The following LAMA3 variants were observed in gnomAD, a reference collection of about 807,000 sequenced individuals.
The protein encoded by LAMA3 is laminin subunit alpha 3.
LAMA3 carries 281 observed loss-of-function variants against 402.0 expected under a neutral mutation model. That is an observed-to-expected ratio of 0.70 (90% CI 0.63 to 0.77). The LOEUF (loss-of-function observed/expected upper bound fraction) is 0.77, where lower values mean the gene tolerates loss of function less well. Ranked by LOEUF, LAMA3 falls within the 30% of genes least tolerant of loss-of-function variation. The pLI is 0.00. For synonymous variants in LAMA3, 1,431 were observed against 1,558.4 expected (o/e 0.92, Z 1.93); for missense variants, 3,840 against 4,215.5 (o/e 0.91, Z 2.47).
At chr18:23,775,242 G>A (rs961049868) in intron 9 of LAMA3, among the ~76,000 whole-genome samples, 6 of 152,154 alleles carry the variant, frequency 3.9e-5, no homozygotes, top group East Asian at 1.9e-4. Flanking sequence ...CCTGATAATC[G>A]TGCCCGATAA....
chr18:23,767,417 G>A (rs542323523), intron 8 of LAMA3, among the ~76,000 whole-genome samples: 14 of 151,950 alleles, frequency 9.2e-5, no homozygotes, highest in Middle Eastern at 3.2e-3. Context: ...AGCAGCCCTA[G>A]GCAAAAAGAA....
At chr18:23,737,702 C>G (rs1028984325) in intron 2 of LAMA3, among the ~76,000 whole-genome samples, 11 of 152,228 alleles carry the variant, frequency 7.2e-5, no homozygotes, top group Non-Finnish European at 1.5e-4. Context: ...ACCGGCCCTG[C>G]CCTGGCCCAC....
chr18:23,939,053 C>T lies in LAMA3; in HGVS notation c.8863-170C>T, dbSNP rs2082400938. Among the ~76,000 whole-genome samples the T allele has an allele frequency of 1.3e-5, 2 of 152,114 alleles. 1 individual carries two copies. Among genetic ancestry groups the T allele is most frequent in the South Asian group, 4.1e-4 (2 of 4,828 alleles). ...TGCCCACTCCATACCAGTCAGTGAC[C>T]CGCAGGAAGGGCTCTCAGCGGAAAC... On this transcript the variant is annotated intron_variant, in intron 67 of 74. Coordinates refer to ENST00000313654, the MANE Select transcript of LAMA3 (RefSeq NM_198129.4).
In LAMA3 at chr18:23,946,208, G is replaced by C; in HGVS notation, c.9275G>C (p.Gly3092Ala). 6.2e-7 allele frequency: 1 copy of C among 1,614,138 alleles called. No homozygotes were observed. The change falls in exon 70 of 75, where the codon GGA (glycine) becomes GCA (alanine). Residue 3092 changes from glycine (G) to alanine (A), a missense_variant. By Grantham distance (60) the Gly-to-Ala change is moderately conservative. Coordinates refer to ENST00000313654, the MANE Select transcript of LAMA3 (RefSeq NM_198129.4). Reference protein sequence around the residue: ...LVVDGLRAREGSLPGNSTISI... With the variant: ...LVVDGLRAREASLPGNSTISI... Reference sequence around the variant, plus strand: ...GTGGATGGACTGAGGGCCCGGGAGGGAAGTTTGCCTGGAAACTCCACCATC... The same window carrying C: ...GTGGATGGACTGAGGGCCCGGGAGGCAAGTTTGCCTGGAAACTCCACCATC...
At chr18:23,783,793 G>A (rs920098401) in intron 11 of LAMA3, among the ~76,000 whole-genome samples, 1 of 151,958 alleles carries the variant, frequency 6.6e-6, no homozygotes, top group East Asian at 1.9e-4. Context: ...TAAAAGAATG[G>A]TTTGCAAATG....
chr18:23,916,428 A>T, intron 59 of LAMA3, 123 bp from the exon 60 acceptor site: 1 of 1,122,262 alleles, frequency 8.9e-7, no homozygotes, highest in South Asian at 1.2e-5. Context: ...TAACAAAATT[A>T]TGACAACTAG....
chr18:23,871,479 C>T lies in LAMA3; in HGVS notation c.4816C>T (p.Leu1606=). ...CCGTGCCCCAGTGTCTAGGGAGGAG[C>T]TGATGACAGTGCTGTCTAGACTGGC... is the stretch of plus-strand genomic sequence containing the variant. The part of the protein sequence containing the change: ...SSRAPVSREE[L]MTVLSRLADV... Residue 1606 remains leucine, a synonymous_variant, in exon 38 of 75, where the codon CTG becomes TTG. Transcript: ENST00000313654. 1 of 1,613,860 alleles carries T rather than the reference C, an allele frequency of 6.2e-7. No homozygotes were observed. The highest frequency in any genetic ancestry group is 8.5e-7 in the Non-Finnish European group (1 of 1,179,938).
At chr18:23,868,473 A>G (rs1266743402) in intron 37 of LAMA3, among the ~76,000 whole-genome samples, 1 of 152,122 alleles carries the variant, frequency 6.6e-6, no homozygotes, top group East Asian at 1.9e-4. Context: ...TTCAATAGGC[A>G]TGGTGGGGTG....
chr18:23,693,577 A>G (rs1006845824), intron 1 of LAMA3, among the ~76,000 whole-genome samples: 18 of 152,218 alleles, frequency 1.2e-4, no homozygotes, highest in African/African-American at 4.1e-4. Context: ...TATACTGAAC[A>G]CATTTGCCAT....
At chr18:23,753,067 T>G (rs920951398) in intron 5 of LAMA3, among the ~76,000 whole-genome samples, 2 of 152,198 alleles carry the variant, frequency 1.3e-5, no homozygotes, top group African/African-American at 4.8e-5. Context: ...AGAGGGGCCT[T>G]GTCAATGAGA....
chr18:23,790,993 A>G lies in LAMA3; in HGVS notation c.1603+6836A>G, dbSNP rs1459847797. ...AAGCTCCGCCTCCTGGGTTCACGCC[A>G]TTCTCCTGTCTCAGCCTCTCCAGTA... On this transcript the variant is annotated intron_variant, in intron 12 of 74. Transcript: ENST00000313654. Among the ~76,000 whole-genome samples the G allele has an allele frequency of 9.3e-5, 14 of 151,312 alleles. No individual in the cohort carries two copies. The East Asian group carries it at 2.7e-3, about 30-fold the overall frequency.
At chr18:23,722,279 T>C (rs948039330) in intron 2 of LAMA3, among the ~76,000 whole-genome samples, 3 of 152,180 alleles carry the variant, frequency 2.0e-5, no homozygotes, top group African/African-American at 7.2e-5. Context: ...CTGGAAACCC[T>C]TCCTGGCTGC....
chr18:23,749,974 G>A (rs979944204), intron 4 of LAMA3, among the ~76,000 whole-genome samples: 3 of 152,120 alleles, frequency 2.0e-5, no homozygotes, highest in Non-Finnish European at 2.9e-5. Context: ...CCAGATGTAG[G>A]GGATCCAGAG....
rs984392356 is a variant in LAMA3 at position 23,934,018 on chromosome 18, G to A, written c.8862+83G>A. ...TGCCTTGTGGGAGATATTGGGGAAGGGGGTGAGAGCTCACCAGTCCATAAA... is the reference window on the plus strand; with the variant it reads ...TGCCTTGTGGGAGATATTGGGGAAGAGGGTGAGAGCTCACCAGTCCATAAA... On this transcript the variant is annotated intron_variant, in intron 67 of 74. Coordinates refer to ENST00000313654, the MANE Select transcript of LAMA3 (RefSeq NM_198129.4). 3.7e-6 allele frequency: 5 copies of A among 1,361,480 alleles called. No individual in the cohort carries two copies. In the African/African-American group the frequency reaches 5.7e-5, roughly 16 times the overall value. The allele number at this position is 1,361,480 out of a possible 1,614,324, so 84.3% of individuals were successfully genotyped here. A position where few individuals can be genotyped will look rare whatever the true frequency, so the allele number is the denominator to read the frequency against.
At chr18:23,801,601 G>A (rs534865543) in intron 12 of LAMA3, among the ~76,000 whole-genome samples, 6 of 152,250 alleles carry the variant, frequency 3.9e-5, no homozygotes, top group African/African-American at 1.4e-4. Flanking sequence ...TCTACTTTTA[G>A]TTTTTAAAGA....
intron 2 of LAMA3, among the ~76,000 whole-genome samples, chr18:23,721,258 C>A (rs1300115424): frequency 2.0e-5 from 3 of 152,106 alleles, no homozygotes; most frequent in Admixed American, 6.5e-5. Context: ...AATACTGTGG[C>A]TAAATACAAT....
intron 12 of LAMA3, among the ~76,000 whole-genome samples, chr18:23,805,293 G>T (rs1219207906): frequency 6.6e-6 from 1 of 152,172 alleles, no homozygotes; most frequent in Non-Finnish European, 1.5e-5. Flanking sequence ...TCTATGTTCT[G>T]TACAGGCCAA....
Position 23,949,915 on chromosome 18 carries a change from G to T in LAMA3, c.9502G>T (p.Val3168Phe), listed in dbSNP as rs184865221. ...TTATTTCTCTGAAGAAGGAGGTCAT[G>T]TCGTCTTGGGTAAGGAGCAGTTCTA... ...GIYFSEEGGH[V>F]VLAHSVLLGP... Residue 3168 changes from valine (V) to phenylalanine (F), a missense_variant, in exon 71 of 75, where the codon GTC becomes TTC. Val to Phe is a conservative substitution (Grantham distance 50). Around this residue, in one of 3 missense-constraint regions of LAMA3, gnomAD observed 840 missense variants for 981.9 expected, o/e 0.86. Transcript: ENST00000313654. The T allele has an allele frequency of 1.2e-6, 2 of 1,614,090 alleles. No homozygotes were observed. The highest frequency in any genetic ancestry group is 4.5e-5 in the East Asian group (2 of 44,872).
chr18:23,698,399 G>T (rs1046524859), intron 1 of LAMA3, among the ~76,000 whole-genome samples: 2 of 152,088 alleles, frequency 1.3e-5, no homozygotes, highest in Non-Finnish European at 2.9e-5. Context: ...TAGAGACGGG[G>T]TTTCACCGTG....
Sources: gnomAD v4.1 joint callset for allele counts (sites outside exome capture counted in the v4.1 genomes callset) on GRCh38, gnomAD v4.1.1 for gene constraint, gnomAD v4.1.1 regional missense constraint, MANE v1.5 for transcripts, NCBI Gene and HGNC (gene_info 2026-07-23, HGNC 2026-07-21) for gene names.